Variants in CDK5RAP1 observed in about 807,000 individuals in gnomAD.
The protein encoded by CDK5RAP1 is mitochondrial tRNA methylthiotransferase CDK5RAP1.
CDK5RAP1 carries 62 observed loss-of-function variants against 64.5 expected under a neutral mutation model. The observed-to-expected ratio is 0.96, with a 90% CI of 0.78 to 1.19. CDK5RAP1 has a LOEUF of 1.19. Among genes scored for constraint, CDK5RAP1 ranks in the 50% most tolerant of loss-of-function variants. The probability of loss-of-function intolerance (pLI) is 0.00; values close to 1 mark genes in which losing one functional copy is unlikely to be tolerated. For synonymous variants in CDK5RAP1, 250 were observed against 261.9 expected (o/e 0.95, Z 0.44); for missense variants, 657 against 735.0 (o/e 0.89, Z 1.23).
Position 33,358,958 on chromosome 20 carries a change from T to A in CDK5RAP1, c.*85A>T. On this transcript the variant is annotated 3_prime_UTR_variant, in exon 14 of 14. Coordinates refer to ENST00000346416, the MANE Select transcript of CDK5RAP1 (RefSeq NM_016408.4). ...CCCTTGCAGCTTATCTCCACCTTCA[T>A]GACCTGTTTCCTCAGTGGCAGGCAA... 1 of 976,946 alleles carries A rather than the reference T, an allele frequency of 1.0e-6. No homozygotes were observed. The highest frequency in any genetic ancestry group is 1.6e-6 in the Non-Finnish European group (1 of 619,484). The allele number at this position is 976,946 out of a possible 1,614,324, so 60.5% of individuals were successfully genotyped here.
At chr20:33,374,283 T>C in intron 8 of CDK5RAP1, 71 bp from the exon 9 acceptor site, 1 of 933,920 alleles carries the variant, frequency 1.1e-6, no homozygotes, top group Non-Finnish European at 1.7e-6. Context: ...AATACCGCTC[T>C]TACTATGTAT....
Position 33,383,740 on chromosome 20 carries a change from T to C in CDK5RAP1, c.876+1910A>G, listed in dbSNP as rs59684825. Among the ~76,000 whole-genome samples the C allele has an allele frequency of 9.4e-3, 523 of 55,488 alleles. 5 individuals are homozygous for C. The highest frequency in any genetic ancestry group is 0.057 in the Middle Eastern group (5 of 88). 36.4% of individuals were successfully genotyped at this position (55,488 alleles called of 152,430 possible). A position where few individuals can be genotyped will look rare whatever the true frequency, so the allele number is the denominator to read the frequency against. Reference sequence around the variant, plus strand: ...TGGGTAATAAGAGCAAAACTCTGTCTCAAAAAAAAAAAAAAAAAAAAATCA... The same window carrying C: ...TGGGTAATAAGAGCAAAACTCTGTCCCAAAAAAAAAAAAAAAAAAAAATCA... On this transcript the variant is annotated intron_variant, in intron 7 of 13. Coordinates refer to ENST00000346416, the MANE Select transcript of CDK5RAP1 (RefSeq NM_016408.4).
chr20:33,360,218 C>G, intron 13 of CDK5RAP1, 133 bp downstream of exon 13: 1 of 763,584 alleles, frequency 1.3e-6, no homozygotes, highest in African/African-American at 1.8e-5. Context: ...CCAAAGTGCC[C>G]TTCCATTGTA....
At chr20:33,378,139 T>C (rs890321852) in intron 8 of CDK5RAP1, among the ~76,000 whole-genome samples, 2 of 152,188 alleles carry the variant, frequency 1.3e-5, no homozygotes, top group Non-Finnish European at 2.9e-5. Flanking sequence ...AGCTTAAACA[T>C]TTCTGGCTTT....
At chr20:33,367,299 G>A (rs1335905338) in intron 11 of CDK5RAP1, among the ~76,000 whole-genome samples, 1 of 152,120 alleles carries the variant, frequency 6.6e-6, no homozygotes, top group African/African-American at 2.4e-5. Flanking sequence ...TATACCAAAT[G>A]ACTCACATAT....
At chr20:33,400,333 T>C (rs1430488729) in intron 1 of CDK5RAP1, among the ~76,000 whole-genome samples, 1 of 152,218 alleles carries the variant, frequency 6.6e-6, no homozygotes. Context: ...CATCTGCTAC[T>C]AGCACTTAGG....
intron 2 of CDK5RAP1, 34 bp from the exon 3 acceptor site, chr20:33,395,150 A>T (rs769027989): frequency 1.6e-6 from 2 of 1,259,552 alleles, no homozygotes; most frequent in East Asian, 2.3e-5. Flanking sequence ...TCCATGGTAG[A>T]CAGACAACAA....
intron 10 of CDK5RAP1, among the ~76,000 whole-genome samples, chr20:33,372,185 A>T (rs1232570638): frequency 6.6e-6 from 1 of 152,008 alleles, no homozygotes; most frequent in Non-Finnish European, 1.5e-5. Flanking sequence ...TTTAAAATGT[A>T]TCTGTAAAAT....
intron 4 of CDK5RAP1, among the ~76,000 whole-genome samples, chr20:33,392,919 C>T (rs1225815293): frequency 6.7e-6 from 1 of 149,346 alleles, no homozygotes; most frequent in African/African-American, 2.5e-5. Flanking sequence ...CTCGCTTTGT[C>T]ACCAGGCTGG....
At chr20:33,380,288 C>A (rs1295762709) in intron 7 of CDK5RAP1, among the ~76,000 whole-genome samples, 1 of 152,150 alleles carries the variant, frequency 6.6e-6, no homozygotes, top group Non-Finnish European at 1.5e-5. Flanking sequence ...AGTGCAGCAG[C>A]ACGATCATAG....
At chr20:33,367,131 C>T (rs2146597556) in intron 11 of CDK5RAP1, 123 bp from the exon 12 acceptor site, 1 of 890,592 alleles carries the variant, frequency 1.1e-6, no homozygotes, top group East Asian at 2.8e-5. Flanking sequence ...GTACAGAAAC[C>T]CAAGCCAGAG....
Position 33,401,497 on chromosome 20 carries a change from G to T in CDK5RAP1, c.-90C>A. 1.0e-6 allele frequency: 1 copy of T among 985,336 alleles called. No homozygotes were observed. The highest frequency in any genetic ancestry group is 1.2e-6 in the Non-Finnish European group (1 of 829,932). 61.0% of individuals were successfully genotyped at this position (985,336 alleles called of 1,614,324 possible). On this transcript the variant is annotated 5_prime_UTR_variant, in exon 1 of 14. The change creates a new upstream start codon in the 5' untranslated region. Transcript: ENST00000346416. ...TGCCGGCAAGTCGGATCCCCTCACA[G>T]GTCCGCCGCTGCGTTCATACACAAG...
Position 33,397,015 on chromosome 20 carries a change from C to G in CDK5RAP1, c.50G>C (p.Gly17Ala). 1 of 1,614,098 alleles carries G rather than the reference C, an allele frequency of 6.2e-7. No homozygotes were observed. The highest frequency in any genetic ancestry group is 8.5e-7 in the Non-Finnish European group (1 of 1,179,992). Reference sequence around the variant, plus strand: ...CAGCCAAGACACAGAGGCCAATGGTCCCCACCCCAGAGACCTCTGCACTTG... The same window carrying G: ...CAGCCAAGACACAGAGGCCAATGGTGCCCACCCCAGAGACCTCTGCACTTG... ...VLQVQRSLGW[G>A]PLASVSWLSL... is the part of the protein sequence containing the mutation. Residue 17 changes from glycine (G) to alanine (A), a missense_variant, in exon 2 of 14, where the codon GGA becomes GCA. Physicochemically the swap from Gly to Ala is moderately conservative, Grantham distance 60. Coordinates refer to ENST00000346416, the MANE Select transcript of CDK5RAP1 (RefSeq NM_016408.4).
intron 8 of CDK5RAP1, among the ~76,000 whole-genome samples, chr20:33,377,192 G>C (rs147887329): frequency 1.1e-3 from 164 of 152,294 alleles, no homozygotes; most frequent in African/African-American, 3.7e-3. Context: ...AAGGAAACAA[G>C]AGACAGAGTC....
chr20:33,395,762 C>T (rs1568732243), intron 2 of CDK5RAP1, among the ~76,000 whole-genome samples: 1 of 152,174 alleles, frequency 6.6e-6, no homozygotes, highest in Admixed American at 6.5e-5. Flanking sequence ...CCTGTAATCC[C>T]AGCACTTTGG....
Position 33,379,627 on chromosome 20 carries a change from T to C in CDK5RAP1, c.941A>G (p.Gln314Arg). Residue 314 changes from glutamine (Q) to arginine (R), a missense_variant, in exon 8 of 14, where the codon CAG becomes CGG. Transcript: ENST00000346416. ...VNSFRDNSEV[Q>R]FNSAVPTNLS... ...ATTGGTAGGCACTGCACTGTTGAAC[T>C]GGACCTCCGAATTGTCCCGAAAACT... 6.2e-7 allele frequency: 1 copy of C among 1,614,174 alleles called. No individual in the cohort carries two copies. The highest frequency in any genetic ancestry group is 8.5e-7 in the Non-Finnish European group (1 of 1,180,020).
intron 5 of CDK5RAP1, 35 bp from the exon 6 acceptor site, chr20:33,387,568 A>C: frequency 6.5e-7 from 1 of 1,540,742 alleles, no homozygotes; most frequent in East Asian, 2.2e-5. Context: ...CCTTTCCCCA[A>C]ATCCACCTGG....
chr20:33,362,720 C>T (rs538677412), intron 12 of CDK5RAP1, among the ~76,000 whole-genome samples: 2 of 152,278 alleles, frequency 1.3e-5, no homozygotes, highest in East Asian at 3.9e-4. Context: ...AGAAGTATAT[C>T]ATTACAAGAA....
At chr20:33,381,021 A>T (rs138253373) in intron 7 of CDK5RAP1, among the ~76,000 whole-genome samples, 8 of 152,328 alleles carry the variant, frequency 5.3e-5, no homozygotes, top group Non-Finnish European at 1.2e-4. Context: ...ATGTTATATT[A>T]TAAAGTTTCA....
Sources: allele counts gnomAD v4.1 joint callset (sites outside exome capture counted in the v4.1 genomes callset), GRCh38; gene constraint gnomAD v4.1.1; transcripts MANE v1.5; gene names NCBI Gene and HGNC (gene_info 2026-07-23, HGNC 2026-07-21).